Variants in NT5DC3 observed in about 807,000 individuals in gnomAD.
NT5DC3 encodes 5'-nucleotidase domain containing 3, also known as 5'-nucleotidase domain-containing protein 3.
Under a neutral mutation model 67.8 loss-of-function variants are expected in NT5DC3, and 42 were observed. The ratio of observed to expected loss-of-function variants is 0.62; its 90% CI spans 0.48 to 0.80. NT5DC3 has a LOEUF of 0.80. Among genes scored for constraint, NT5DC3 ranks in the 30% least tolerant of loss-of-function variants. The pLI is 0.00. For synonymous variants in NT5DC3, 237 were observed against 255.6 expected (o/e 0.93, Z 0.69); for missense variants, 570 against 696.4 (o/e 0.82, Z 2.04).
chr12:103,761,559 C>T, the NT5DC3 span: 7 of 536,320 alleles, frequency 1.3e-5, no homozygotes, highest in Non-Finnish European at 1.9e-5. Flanking sequence ...GGTAGCTGGC[C>T]AGGACCGCCC....
At chr12:103,787,208 T>C (rs947627022) in intron 11 of NT5DC3, among the ~76,000 whole-genome samples, 6 of 151,750 alleles carry the variant, frequency 4.0e-5, no homozygotes, top group Admixed American at 6.6e-5. Context: ...ATTTCCATCA[T>C]TTCCAAAAAA....
At chr12:103,762,127 A>G in the NT5DC3 span, 11 of 1,045,926 alleles carry the variant, frequency 1.1e-5, no homozygotes, top group Non-Finnish European at 1.5e-5. Flanking sequence ...AGGGTATTAG[A>G]CCCTGGCAGT....
the NT5DC3 span, among the ~76,000 whole-genome samples, chr12:103,752,490 G>A: frequency 6.6e-6 from 1 of 152,180 alleles, no homozygotes; most frequent in Non-Finnish European, 1.5e-5. Flanking sequence ...ACTATTGCTG[G>A]TGTCTGCACT....
Position 103,820,568 on chromosome 12 carries a change from A to T in NT5DC3, c.209-5447T>A, listed in dbSNP as rs115465012. 8.3e-3 allele frequency among the ~76,000 whole-genome samples: 1,257 copies of T among 152,324 alleles called. 12 individuals carry two copies. The highest frequency in any genetic ancestry group is 0.029 in the African/African-American group (1,192 of 41,566). On this transcript the variant is annotated intron_variant, in intron 1 of 13. Coordinates refer to ENST00000392876, the MANE Select transcript of NT5DC3 (RefSeq NM_001031701.3). ...TACTTTGTCTTCTTTAATGCTCAGA[A>T]ATGCTAAATGACTCTCCCTTAGTAC... is the stretch of plus-strand genomic sequence containing the variant.
At chr12:103,746,401 A>C in the NT5DC3 span, 1 of 554,672 alleles carries the variant, frequency 1.8e-6, no homozygotes, top group South Asian at 2.2e-5. Context: ...ATCATGTCTT[A>C]CTATAAAAGA....
rs752465580 is a variant in NT5DC3, at chr12:103,773,521, C to CT, written c.*4307dup. ...CTAGTAGTGTCAAAGGTTAGCTGAACTTTGAGCTAAGCTCCTAAGGCAAAA... is the reference window on the plus strand; with the variant it reads ...CTAGTAGTGTCAAAGGTTAGCTGAACTTTTGAGCTAAGCTCCTAAGGCAAAA... On this transcript the variant is annotated 3_prime_UTR_variant, in exon 14 of 14. Transcript: ENST00000392876. 1 of 152,150 alleles carries CT rather than the reference C, an allele frequency of 6.6e-6. No individual in the cohort carries two copies. Among genetic ancestry groups the CT allele is most frequent in the Non-Finnish European group, 1.5e-5 (1 of 68,034 alleles). The allele number at this position is 152,150 out of a possible 1,614,324, so 9.4% of individuals were successfully genotyped here.
Position 103,793,362 on chromosome 12 carries a change from A to G in NT5DC3, c.917+48T>C, listed in dbSNP as rs772824987. On this transcript the variant is annotated intron_variant, in intron 8 of 13. Coordinates refer to ENST00000392876, the MANE Select transcript of NT5DC3 (RefSeq NM_001031701.3). ...ATTTCCAGCTGCTAAAACAAATGGG[A>G]TACAAGGAGTGTGCCAGAAGCTAGC... The G allele has an allele frequency of 1.3e-5, 20 of 1,565,732 alleles. No individual in the cohort carries two copies. The Admixed American group carries it at 3.0e-4, about 24-fold the overall frequency.
intron 12 of NT5DC3, among the ~76,000 whole-genome samples, chr12:103,784,935 A>G (rs1410664313): frequency 6.6e-6 from 1 of 152,128 alleles, no homozygotes; most frequent in Non-Finnish European, 1.5e-5. Context: ...TGGTGCCTAG[A>G]CTGAAGTTTT....
chr12:103,791,879 G>A (rs1886080384), intron 9 of NT5DC3, among the ~76,000 whole-genome samples: 2 of 152,182 alleles, frequency 1.3e-5, no homozygotes, highest in African/African-American at 4.8e-5. Flanking sequence ...ATCTCAGGTA[G>A]AACAGTTTCA....
chr12:103,749,105 C>A, the NT5DC3 span: 1 of 1,612,122 alleles, frequency 6.2e-7, no homozygotes, highest in Non-Finnish European at 8.5e-7. Context: ...CCTGTGCAGA[C>A]GGCCTTAACG....
chr12:103,757,531 C>T, the NT5DC3 span, among the ~76,000 whole-genome samples: 1 of 152,232 alleles, frequency 6.6e-6, no homozygotes, highest in Non-Finnish European at 1.5e-5. Flanking sequence ...TGGAGCAGGG[C>T]TTGGGGGGCA....
rs1566110361 is a variant in NT5DC3 at position 103,798,669 on chromosome 12, C to A, written c.533G>T (p.Ser178Ile). ...IQLGTVYRGL[S>I]VVPDEEVIEM... is the part of the protein sequence containing the mutation. ...AATGACTTCTTCATCAGGGACAACA[C>A]TGAGGCCTCTGGAAAAACCAGATGG... Residue 178 changes from serine (S) to isoleucine (I), a missense_variant, in exon 5 of 14, where the codon AGT (serine) becomes ATT (isoleucine). Ser to Ile is a moderately radical substitution (Grantham distance 142, BLOSUM62 -2). Transcript: ENST00000392876. 1 of 1,612,786 alleles carries A rather than the reference C, an allele frequency of 6.2e-7. No homozygotes were observed.
At chr12:103,751,821 G>C in the NT5DC3 span, among the ~76,000 whole-genome samples, 1 of 152,170 alleles carries the variant, frequency 6.6e-6, no homozygotes, top group African/African-American at 2.4e-5. Context: ...GTTTTCTTAT[G>C]AATGCCAAGA....
At chr12:103,765,085 T>A in the NT5DC3 span, among the ~76,000 whole-genome samples, 2 of 65,324 alleles carry the variant, frequency 3.1e-5, no homozygotes, top group Non-Finnish European at 2.8e-5. Context: ...AGACTCTGTC[T>A]CAAAAAAAAA....
At chr12:103,805,475 G>A (rs978295489) in intron 4 of NT5DC3, among the ~76,000 whole-genome samples, 4 of 152,168 alleles carry the variant, frequency 2.6e-5, no homozygotes, top group Non-Finnish European at 5.9e-5. Context: ...TATAAGCTGT[G>A]CACCTAAATA....
chr12:103,787,205 T>C (rs1885823755), intron 11 of NT5DC3, among the ~76,000 whole-genome samples: 1 of 150,992 alleles, frequency 6.6e-6, no homozygotes, highest in Non-Finnish European at 1.5e-5. Flanking sequence ...CTTATTTCCA[T>C]CATTTCCAAA....
chr12:103,785,239 C>A, intron 12 of NT5DC3, 96 bp downstream of exon 12: 2 of 1,219,300 alleles, frequency 1.6e-6, no homozygotes, highest in Non-Finnish European at 2.4e-6. Flanking sequence ...CAACTTAAGC[C>A]TCATATTTTA....
the NT5DC3 span, chr12:103,753,139 G>A: frequency 6.4e-7 from 1 of 1,556,148 alleles, no homozygotes; most frequent in Admixed American, 1.8e-5. Flanking sequence ...CCTTCATTTT[G>A]AAAGTCCTTC....
At chr12:103,793,552 A>G in intron 7 of NT5DC3, 40 bp from the exon 8 acceptor site, 10 of 1,423,412 alleles carry the variant, frequency 7.0e-6, no homozygotes, top group South Asian at 1.2e-5. Flanking sequence ...ATTCAGCATG[A>G]TATTTGTCAA....
Sources: gnomAD v4.1 joint callset for allele counts (sites outside exome capture counted in the v4.1 genomes callset) on GRCh38, gnomAD v4.1.1 for gene constraint, MANE v1.5 for transcripts, NCBI Gene and HGNC (gene_info 2026-07-23, HGNC 2026-07-21) for gene names.